Variants in TDRD15 observed in about 807,000 individuals in gnomAD.
The protein encoded by TDRD15 is tudor domain-containing protein 15.
For synonymous variants in TDRD15, 503 were observed against 314.5 expected (o/e 1.60, Z -6.34); for missense variants, 1,416 against 904.7 (o/e 1.57, Z -7.25).
chr2:21,133,557 A>G (rs1443074078), intron 2 of TDRD15, among the ~76,000 whole-genome samples: 3 of 152,108 alleles, frequency 2.0e-5, no homozygotes, highest in South Asian at 2.1e-4. Context: ...ATTTTGATCA[A>G]TTTCGGTTTC....
intron 1 of TDRD15, among the ~76,000 whole-genome samples, chr2:21,125,323 G>T (rs1665563726): frequency 6.6e-6 from 1 of 151,640 alleles, no homozygotes; most frequent in African/African-American, 2.4e-5. Context: ...GTGAGAAAGA[G>T]ATTGTAATGC....
At position 21,139,299 on chromosome 2, in the gene TDRD15, C is replaced by T. The variant is rs1041572352; in HGVS notation, c.1832C>T (p.Ala611Val). Residue 611 changes from alanine (A) to valine (V), a missense_variant, in exon 4 of 4, where the codon GCT (alanine) becomes GTT (valine). Physicochemically the swap from Ala to Val is moderately conservative, Grantham distance 64 (BLOSUM62 0). Transcript: ENST00000405799. The stretch of plus-strand genomic sequence containing the variant: ...CCTGTTGAAGATTTATGGACTAAGG[C>T]TGCAATTGATTATTTTAAAAAATTA... ...IFPVEDLWTK[A>V]AIDYFKKLVL... is the part of the protein sequence containing the mutation. The T allele has an allele frequency of 1.4e-6, 1 of 709,692 alleles. No individual in the cohort carries two copies. The highest frequency in any genetic ancestry group is 2.7e-5 in the East Asian group (1 of 37,218). The allele number at this position is 709,692 out of a possible 1,614,324, so 44.0% of individuals were successfully genotyped here.
chr2:21,141,417 A>G lies in TDRD15; in HGVS notation c.3950A>G (p.Asn1317Ser), dbSNP rs2103446911. The G allele has an allele frequency of 2.8e-6, 2 of 713,360 alleles. No homozygotes were observed. Among genetic ancestry groups the G allele is most frequent in the East Asian group, 5.4e-5 (2 of 37,266 alleles). 44.2% of individuals were successfully genotyped at this position (713,360 alleles called of 1,614,324 possible). A position where few individuals can be genotyped will look rare whatever the true frequency, so the allele number is the denominator to read the frequency against. ...AATTTCCATATTCAGCTTGCTGAGA[A>G]TGAAAGTGTAATTATCAGACTTGCT... ...PANFHIQLAE[N>S]ESVIIRLADA... The change falls in exon 4 of 4, where the codon AAT (asparagine) becomes AGT (serine). Residue 1317 changes from asparagine (N) to serine (S), a missense_variant. Physicochemically the swap from Asn to Ser is conservative, Grantham distance 46. Coordinates refer to ENST00000405799, the MANE Select transcript of TDRD15 (RefSeq NM_001306137.2).
Position 21,141,860 on chromosome 2 carries a change from G to T in TDRD15, c.4393G>T (p.Glu1465Ter). The change falls in exon 4 of 4, where the codon GAA (glutamate) becomes TAA (stop). Residue 1465 changes from glutamate (E) to a stop codon, truncating the protein, a stop_gained. Coordinates refer to ENST00000405799, the MANE Select transcript of TDRD15 (RefSeq NM_001306137.2). LOFTEE classifies it low-confidence loss of function (END_TRUNC). ...MICDEKCVIN[E>*]LLKWKACSKL... ...TTGTGATGAAAAATGTGTCATTAAT[G>T]AACTACTGAAATGGAAAGCATGTTC... is the stretch of plus-strand genomic sequence containing the variant. 2.8e-6 allele frequency: 2 copies of T among 715,286 alleles called. No homozygotes were observed. The highest frequency in any genetic ancestry group is 3.0e-5 in the South Asian group (2 of 67,436). 44.3% of individuals were successfully genotyped at this position (715,286 alleles called of 1,614,324 possible). A position where few individuals can be genotyped will look rare whatever the true frequency, so the allele number is the denominator to read the frequency against.
chr2:21,130,712 C>A (rs1406790437), intron 2 of TDRD15, among the ~76,000 whole-genome samples: 1 of 152,056 alleles, frequency 6.6e-6, no homozygotes, highest in African/African-American at 2.4e-5. Flanking sequence ...AATGTTGACA[C>A]TGATGGTGCA....
intron 2 of TDRD15, among the ~76,000 whole-genome samples, chr2:21,129,385 G>C (rs187636366): frequency 6.6e-6 from 1 of 152,156 alleles, no homozygotes; most frequent in African/African-American, 2.4e-5. Flanking sequence ...TAATTGTTTG[G>C]TTTTTAAAAT....
rs1409230757 is a variant in TDRD15, at chr2:21,138,465, C to T, written c.998C>T (p.Pro333Leu). 1 of 714,498 alleles carries T rather than the reference C, an allele frequency of 1.4e-6. No homozygotes were observed. The highest frequency in any genetic ancestry group is 2.6e-6 in the Non-Finnish European group (1 of 383,888). 44.3% of individuals were successfully genotyped at this position (714,498 alleles called of 1,614,324 possible). The change falls in exon 4 of 4, where the codon CCC (proline) becomes CTC (leucine). Residue 333 changes from proline to leucine, a missense_variant. Physicochemically the swap from Pro to Leu is moderately conservative, Grantham distance 98. Transcript: ENST00000405799. ...FMDYGSSEAI[P>L]SIYVKKLKQD... ...GATTATGGCAGTAGCGAGGCTATAC[C>T]CTCAATTTATGTAAAGAAACTTAAA...
At chr2:21,133,633 G>T (rs1054395349) in intron 2 of TDRD15, among the ~76,000 whole-genome samples, 2 of 152,040 alleles carry the variant, frequency 1.3e-5, no homozygotes, top group African/African-American at 4.8e-5. Flanking sequence ...TTAAACTAGT[G>T]TACTAAAACC....
chr2:21,144,507 TA>T (rs1666001833), downstream of TDRD15, among the ~76,000 whole-genome samples: 1 of 151,890 alleles, frequency 6.6e-6, no homozygotes, highest in African/African-American at 2.4e-5. Context: ...ATAAATGCTT[TA>T]CAATTGGCCC....
chr2:21,134,713 G>C (rs1250310265), intron 2 of TDRD15, 49 bp from the exon 3 acceptor site: 1 of 151,800 alleles, frequency 6.6e-6, no homozygotes, highest in Admixed American at 6.6e-5. Context: ...TTCTGCTGCA[G>C]AAAAATAGTT....
Position 21,141,740 on chromosome 2 carries a change from A to G in TDRD15, c.4273A>G (p.Lys1425Glu). The G allele has an allele frequency of 1.4e-6, 1 of 715,370 alleles. No individual in the cohort carries two copies. Among genetic ancestry groups the G allele is most frequent in the Non-Finnish European group, 2.6e-6 (1 of 383,644 alleles). 44.3% of individuals were successfully genotyped at this position (715,370 alleles called of 1,614,324 possible). The change falls in exon 4 of 4, where the codon AAA becomes GAA. Residue 1425 changes from lysine to glutamate, a missense_variant. Lys to Glu is a moderately conservative substitution (Grantham distance 56, BLOSUM62 1). Transcript: ENST00000405799. Reference protein sequence around the residue: ...WNEPDEIWDDKTVDYFTSKVH... With the variant: ...WNEPDEIWDDETVDYFTSKVH... ...TGAGCCTGATGAAATATGGGATGAC[A>G]AAACTGTGGATTATTTTACTTCGAA...
rs905715946 is a variant in TDRD15 at position 21,140,657 on chromosome 2, T to G, written c.3190T>G (p.Ser1064Ala). ...AGGAGAAAATATGTTGAGGGCCATT[T>G]CAGCTCAGTTTCCAGAGTTGTTGTT... ...LVGENMLRAI[S>A]AQFPELLFTP... The change falls in exon 4 of 4, where the codon TCA becomes GCA. Residue 1064 changes from serine (S) to alanine (A), a missense_variant. Coordinates refer to ENST00000405799, the MANE Select transcript of TDRD15 (RefSeq NM_001306137.2). The G allele has an allele frequency of 4.2e-6, 3 of 715,206 alleles. No homozygotes were observed. In the African/African-American group the frequency reaches 5.3e-5, roughly 13 times the overall value. 44.3% of individuals were successfully genotyped at this position (715,206 alleles called of 1,614,324 possible).
chr2:21,143,148 A>T lies in TDRD15; in HGVS notation c.5681A>T (p.Asp1894Val). Residue 1894 changes from aspartate to valine, a missense_variant, in exon 4 of 4, where the codon GAT becomes GTT. Asp to Val is a radical substitution (Grantham distance 152). Coordinates refer to ENST00000405799, the MANE Select transcript of TDRD15 (RefSeq NM_001306137.2). ...CATTCTGAAACAAAACTGAAAGTAG[A>T]TGTCATTCATGAGAAAAACAATTTG... ...EYHSETKLKVDVIHEKNNLAD... is the reference protein window; with the variant it reads ...EYHSETKLKVVVIHEKNNLAD... 1 of 708,592 alleles carries T rather than the reference A, an allele frequency of 1.4e-6. No homozygotes were observed. The highest frequency in any genetic ancestry group is 2.6e-6 in the Non-Finnish European group (1 of 381,918). 43.9% of individuals were successfully genotyped at this position (708,592 alleles called of 1,614,324 possible).
rs758339928 is a variant in TDRD15 at position 21,138,129 on chromosome 2, A to G, written c.662A>G (p.Asp221Gly). 10 of 716,630 alleles carry G rather than the reference A, an allele frequency of 1.4e-5. No individual in the cohort carries two copies. In the South Asian group the frequency reaches 1.5e-4, roughly 11 times the overall value. 44.4% of individuals were successfully genotyped at this position (716,630 alleles called of 1,614,324 possible). ...KRPELSLGNK[D>G]TSLDIQHVLD... ...CCTGAATTGTCATTAGGTAATAAAG[A>G]TACTTCACTTGATATTCAGCATGTT... The change falls in exon 4 of 4, where the codon GAT becomes GGT. Residue 221 changes from aspartate to glycine, a missense_variant. Coordinates refer to ENST00000405799, the MANE Select transcript of TDRD15 (RefSeq NM_001306137.2).
rs1665954093 is a variant in TDRD15, at chr2:21,142,430, T to G, written c.4963T>G (p.Cys1655Gly). 1 of 709,908 alleles carries G rather than the reference T, an allele frequency of 1.4e-6. No individual in the cohort carries two copies. Among genetic ancestry groups the G allele is most frequent in the Non-Finnish European group, 2.6e-6 (1 of 382,114 alleles). The allele number at this position is 709,908 out of a possible 1,614,324, so 44.0% of individuals were successfully genotyped here. A position where few individuals can be genotyped will look rare whatever the true frequency, so the allele number is the denominator to read the frequency against. The change falls in exon 4 of 4, where the codon TGC (cysteine) becomes GGC (glycine). Residue 1655 changes from cysteine to glycine, a missense_variant. Transcript: ENST00000405799. ...FENSKNISFE[C>G]LFADLEINIL... ...AAATTCTAAGAACATATCATTTGAG[T>G]GCTTATTTGCTGATTTGGAAATAAA...
rs1441965957 is a variant in TDRD15, at chr2:21,141,317, A to G, written c.3850A>G (p.Lys1284Glu). 2 of 715,972 alleles carry G rather than the reference A, an allele frequency of 2.8e-6. No individual in the cohort carries two copies. Among genetic ancestry groups the G allele is most frequent in the East Asian group, 2.7e-5 (1 of 37,260 alleles). The allele number at this position is 715,972 out of a possible 1,614,324, so 44.4% of individuals were successfully genotyped here. ...ATATGACCTTATTAGGCCACAGATC[A>G]AAGACCTTCCTCAACCGCAAATTTA... ...NPYDLIRPQIKDLPQPQIYLN... is the reference protein window; with the variant it reads ...NPYDLIRPQIEDLPQPQIYLN... Residue 1284 changes from lysine to glutamate, a missense_variant, in exon 4 of 4, where the codon AAA (lysine) becomes GAA (glutamate). Physicochemically the swap from Lys to Glu is moderately conservative, Grantham distance 56 (BLOSUM62 1). Coordinates refer to ENST00000405799, the MANE Select transcript of TDRD15 (RefSeq NM_001306137.2).
rs767304745 is a variant in TDRD15, at chr2:21,141,961, G to A, written c.4494G>A (p.Lys1498=). Residue 1498 remains lysine, a synonymous_variant, in exon 4 of 4, where the codon AAG becomes AAA. Transcript: ENST00000405799. ...TGAGGCCAGGTGATAATGAAATGAA[G>A]AAAGGAAAATCAAATGAGTCTGAAG... ...QKVRPGDNEM[K]KGKSNESEGS... is the part of the protein sequence containing the mutation. The A allele has an allele frequency of 4.2e-6, 3 of 706,742 alleles. No homozygotes were observed. Among genetic ancestry groups the A allele is most frequent in the Admixed American group, 2.1e-5 (1 of 47,636 alleles). The allele number at this position is 706,742 out of a possible 1,614,324, so 43.8% of individuals were successfully genotyped here. A position where few individuals can be genotyped will look rare whatever the true frequency, so the allele number is the denominator to read the frequency against.
At chr2:21,131,330 C>T (rs1210644327) in intron 2 of TDRD15, among the ~76,000 whole-genome samples, 1 of 152,138 alleles carries the variant, frequency 6.6e-6, no homozygotes, top group Non-Finnish European at 1.5e-5. Context: ...CATGTGATAT[C>T]TTATAAAATC....
chr2:21,124,817 GGTGT>G (rs70939068), intron 1 of TDRD15, among the ~76,000 whole-genome samples: 55 of 115,678 alleles, frequency 4.8e-4, no homozygotes, highest in East Asian at 6.0e-4. Flanking sequence ...CTAATGCCAG[GGTGT>G]GTGTGTGTGT....
Sources: allele counts gnomAD v4.1 joint callset (sites outside exome capture counted in the v4.1 genomes callset), GRCh38; gene constraint gnomAD v4.1.1; transcripts MANE v1.5; gene names NCBI Gene and HGNC (gene_info 2026-07-23, HGNC 2026-07-21).